Variants in MAPK10 observed in about 807,000 individuals in gnomAD.
MAPK10 encodes mitogen-activated protein kinase 10.
A neutral mutation model predicts 59.3 loss-of-function variants in MAPK10; 25 were observed. The ratio of observed to expected loss-of-function variants is 0.42; its 90% CI spans 0.31 to 0.59. The LOEUF is 0.59. MAPK10 is among the 20% of genes least tolerant of loss of function. MAPK10 has a pLI of 0.15. For missense variants in MAPK10, 351 were observed against 568.9 expected (o/e 0.62, Z 3.90); for synonymous variants, 190 against 200.5 (o/e 0.95, Z 0.44).
intron 3 of MAPK10, among the ~76,000 whole-genome samples, chr4:86,183,826 G>A (rs1382887971): frequency 3.3e-5 from 5 of 152,060 alleles, no homozygotes; most frequent in Admixed American, 6.6e-5. Context: ...TTTAATGATC[G>A]CCATTCTAAC....
At chr4:86,447,272 C>T (rs974484469) in intron 1 of MAPK10, among the ~76,000 whole-genome samples, 1 of 152,278 alleles carries the variant, frequency 6.6e-6, no homozygotes, top group South Asian at 2.1e-4. Flanking sequence ...GCTTTGCTTT[C>T]TTCTCTCTCC....
intron 1 of MAPK10, among the ~76,000 whole-genome samples, chr4:86,575,370 A>C (rs1220631858): frequency 1.3e-5 from 2 of 152,178 alleles, no homozygotes; most frequent in Non-Finnish European, 2.9e-5. Context: ...ATGGAATCGG[A>C]TGGGAAAGAG....
intron 9 of MAPK10, among the ~76,000 whole-genome samples, chr4:86,071,210 A>G (rs2047869291): frequency 6.6e-6 from 1 of 152,178 alleles, no homozygotes; most frequent in African/African-American, 2.4e-5. Flanking sequence ...GTCTCTGTTG[A>G]TGACCTTCGC....
At position 86,319,958 on chromosome 4, in the gene MAPK10, AC is replaced by A. The variant is rs529917546; in HGVS notation, c.-7+34571del. On this transcript the variant is annotated intron_variant, in intron 2 of 13. Transcript: ENST00000641462. The stretch of plus-strand genomic sequence containing the variant: ...TCTAAAGTGACTTCCAAAATATACC[AC>A]TTACACCCAAGTCCTTCTCAGTCTC... 1.1e-3 allele frequency among the ~76,000 whole-genome samples: 165 copies of A among 152,198 alleles called. 1 individual carries two copies. Among genetic ancestry groups the A allele is most frequent in the Middle Eastern group, 3.4e-3 (1 of 294 alleles).
chr4:86,363,127 GA>G (rs899043450), upstream of MAPK10, among the ~76,000 whole-genome samples: 1 of 152,050 alleles, frequency 6.6e-6, no homozygotes, highest in African/African-American at 2.4e-5. Flanking sequence ...TTCAAAAACT[GA>G]AGATCAAAAA....
intron 1 of MAPK10, among the ~76,000 whole-genome samples, chr4:86,438,025 G>A (rs1386288977): frequency 6.6e-6 from 1 of 152,168 alleles, no homozygotes; most frequent in African/African-American, 2.4e-5. Flanking sequence ...CTTATATAAA[G>A]TTCAGAAGTA....
At chr4:86,234,095 C>T (rs1052760647) in intron 2 of MAPK10, among the ~76,000 whole-genome samples, 1 of 152,166 alleles carries the variant, frequency 6.6e-6, no homozygotes, top group African/African-American at 2.4e-5. Flanking sequence ...AAGTCAGAGT[C>T]TCTAGACTCA....
At chr4:86,364,260 G>A (rs1362586726), upstream of MAPK10, among the ~76,000 whole-genome samples, 1 of 152,066 alleles carries the variant, frequency 6.6e-6, no homozygotes, top group Admixed American at 6.6e-5. Flanking sequence ...CTGAGTACCT[G>A]GGACCATAGG....
intron 2 of MAPK10, among the ~76,000 whole-genome samples, chr4:86,227,567 T>G (rs1019633978): frequency 6.6e-6 from 1 of 151,956 alleles, no homozygotes; most frequent in Admixed American, 6.6e-5. Context: ...CTAAGAATAC[T>G]TTCTCACCTG....
At chr4:86,027,160 T>C (rs1044700493) in intron 13 of MAPK10, 1 of 152,206 alleles carries the variant, frequency 6.6e-6, no homozygotes, top group Non-Finnish European at 1.5e-5. Context: ...GAGAAAGTCA[T>C]ACTACATGAC....
intron 1 of MAPK10, among the ~76,000 whole-genome samples, chr4:86,555,326 G>T (rs140868264): frequency 0.047 from 7,123 of 152,154 alleles, 218 homozygotes; most frequent in African/African-American, 0.059. Context: ...GGTGCCTGTA[G>T]TCCCAGCTAC....
At chr4:86,438,019 TATAAAGTTCAGAAGTAA>T (rs1160009131) in intron 1 of MAPK10, among the ~76,000 whole-genome samples, 1 of 152,344 alleles carries the variant, frequency 6.6e-6, no homozygotes, top group South Asian at 2.1e-4. Context: ...ATGCCACTTA[TATAAAGTTCAGAAGTAA>T]GCAAAACAGA....
At chr4:86,310,529 C>T (rs547289231) in intron 2 of MAPK10, among the ~76,000 whole-genome samples, 99 of 152,210 alleles carry the variant, frequency 6.5e-4, no homozygotes, top group African/African-American at 2.3e-3. Flanking sequence ...TTCTGATCAA[C>T]GTGCATAGTA....
Position 86,017,330 on chromosome 4 carries a change from C to A in MAPK10, c.1293G>T (p.Ser431=). 6.2e-7 allele frequency: 1 copy of A among 1,614,086 alleles called. No homozygotes were observed. The change falls in exon 14 of 14, where the codon TCG becomes TCT. Residue 431 remains serine, a synonymous_variant. Coordinates refer to ENST00000641462, the MANE Select transcript of MAPK10 (RefSeq NM_138982.4). This position sits in a 1 kb window ranked among gnomAD's most constrained non-coding sequence, Gnocchi z 4.4. ...ACATGGAGGAGATGTCATTGACAGA[C>A]GAGGATGGAGGGAGACTCTCACTGC... ...VNSSESLPPS[S]SVNDISSMST... is the part of the protein sequence containing the mutation.
chr4:86,069,985 T>G (rs1281647583), intron 9 of MAPK10, among the ~76,000 whole-genome samples: 1 of 152,212 alleles, frequency 6.6e-6, no homozygotes, highest in Non-Finnish European at 1.5e-5. Context: ...TAAGAATTGT[T>G]AAAATGTTTC....
chr4:86,366,415 A>T (rs1737908223), intron 1 of MAPK10, among the ~76,000 whole-genome samples: 1 of 152,166 alleles, frequency 6.6e-6, no homozygotes, highest in African/African-American at 2.4e-5. Context: ...AAACTGCCAT[A>T]AAAAATGTTT....
At chr4:86,115,885 T>A (rs1407854247) in intron 4 of MAPK10, among the ~76,000 whole-genome samples, 2 of 152,218 alleles carry the variant, frequency 1.3e-5, no homozygotes, top group African/African-American at 2.4e-5. Flanking sequence ...TACACTAATA[T>A]GTCAGCACTG....
chr4:86,125,019 TTTACA>T (rs2059845452), intron 4 of MAPK10: 1 of 151,960 alleles, frequency 6.6e-6, no homozygotes, highest in Non-Finnish European at 1.5e-5. Context: ...CTCAAATACT[TTTACA>T]TTACAATGCA....
chr4:86,575,348 A>C (rs2149109827), intron 1 of MAPK10, among the ~76,000 whole-genome samples: 1 of 152,326 alleles, frequency 6.6e-6, no homozygotes, highest in Non-Finnish European at 1.5e-5. Context: ...ATTTGATATC[A>C]TAATATGGAT....
Sources: allele counts gnomAD v4.1 joint callset (sites outside exome capture counted in the v4.1 genomes callset), GRCh38; gene constraint gnomAD v4.1.1; non-coding constraint Gnocchi (gnomAD v3.1); transcripts MANE v1.5; gene names NCBI Gene and HGNC (gene_info 2026-07-23, HGNC 2026-07-21).